The following PRR11 variants were observed in gnomAD, a reference collection of about 807,000 sequenced individuals.
PRR11 encodes proline-rich protein 11.
In PRR11, 30 loss-of-function variants were observed where a neutral mutation model predicts 45.6. That is an observed-to-expected ratio of 0.66 (90% CI 0.49 to 0.89). The LOEUF (loss-of-function observed/expected upper bound fraction) is 0.89, where lower values mean the gene tolerates loss of function less well. PRR11 is among the 40% of genes least tolerant of loss of function. The pLI is 0.00. For missense variants in PRR11, 373 were observed against 424.8 expected (o/e 0.88, Z 1.07); for synonymous variants, 128 against 153.5 (o/e 0.83, Z 1.23).
chr17:59,178,939 A>G (rs1166572366), intron 2 of PRR11, among the ~76,000 whole-genome samples: 1 of 152,200 alleles, frequency 6.6e-6, no homozygotes, highest in Non-Finnish European at 1.5e-5. Context: ...AGCAAGAGAC[A>G]TTAAGTTTCA....
Position 59,185,154 on chromosome 17 carries a change from A to G in PRR11, c.229A>G (p.Thr77Ala). The G allele has an allele frequency of 1.2e-6, 2 of 1,614,112 alleles. No individual in the cohort carries two copies. Among genetic ancestry groups the G allele is most frequent in the Non-Finnish European group, 1.7e-6 (2 of 1,180,000 alleles). ...CATCAGAGATGCAATAAAACTTTGG[A>G]CAAATAGAGTATGGTCTATATACAG... ...PNIRDAIKLW[T>A]NRVWSIYSWC... Residue 77 changes from threonine to alanine, a missense_variant, in exon 3 of 10, where the codon ACA becomes GCA. Thr to Ala is a moderately conservative substitution (Grantham distance 58, BLOSUM62 0). Coordinates refer to ENST00000262293, the MANE Select transcript of PRR11 (RefSeq NM_018304.4).
intron 9 of PRR11, among the ~76,000 whole-genome samples, chr17:59,201,235 A>G (rs1457131720): frequency 6.6e-6 from 1 of 152,174 alleles, no homozygotes; most frequent in Non-Finnish European, 1.5e-5. Flanking sequence ...ACTATAATAC[A>G]GTGGCTTCAC....
At chr17:59,178,366 G>A (rs2046760786) in intron 2 of PRR11, 1 of 432,766 alleles carries the variant, frequency 2.3e-6, no homozygotes, top group South Asian at 1.8e-5. Flanking sequence ...AGCATCTGGT[G>A]GGAAGTGCTG....
intron 2 of PRR11, among the ~76,000 whole-genome samples, chr17:59,172,149 G>C (rs1206452509): frequency 6.6e-6 from 1 of 152,210 alleles, no homozygotes; most frequent in Non-Finnish European, 1.5e-5. Context: ...TTTTTACAAA[G>C]AATTCTGTGC....
chr17:59,184,199 C>T (rs758702814), intron 2 of PRR11, among the ~76,000 whole-genome samples: 80 of 151,488 alleles, frequency 5.3e-4, no homozygotes, highest in Non-Finnish European at 7.7e-4. Flanking sequence ...CAGTGGCTCA[C>T]GCCTGTAATC....
chr17:59,189,774 T>C (rs957242275), intron 4 of PRR11, among the ~76,000 whole-genome samples: 3 of 152,228 alleles, frequency 2.0e-5, no homozygotes, highest in Non-Finnish European at 2.9e-5. Flanking sequence ...CCTATAATTT[T>C]GTAACTTTGT....
chr17:59,161,528 T>C (rs2046652992), intron 1 of PRR11, among the ~76,000 whole-genome samples: 1 of 150,894 alleles, frequency 6.6e-6, no homozygotes, highest in African/African-American at 2.4e-5. Flanking sequence ...GGCCAGTAAA[T>C]TGCTTGAGCT....
At chr17:59,188,281 CAA>C (rs2046823604) in intron 4 of PRR11, among the ~76,000 whole-genome samples, 2 of 152,218 alleles carry the variant, frequency 1.3e-5, no homozygotes, top group East Asian at 1.9e-4. Context: ...ACAAACAAAT[CAA>C]AGACCAAAAG....
chr17:59,178,612 T>C (rs11079369), intron 2 of PRR11: 203,601 of 520,178 alleles, frequency 0.39, 43,667 homozygotes, highest in African/African-American at 0.7. Flanking sequence ...GAGAAGTGTG[T>C]CTCCCAGGGG....
chr17:59,188,980 TATTAA>T (rs2046827808), intron 4 of PRR11, among the ~76,000 whole-genome samples: 1 of 136,760 alleles, frequency 7.3e-6, no homozygotes, highest in Admixed American at 7.3e-5. Flanking sequence ...AATAATACAT[TATTAA>T]ATTAAGTGTA....
intron 9 of PRR11, among the ~76,000 whole-genome samples, chr17:59,198,802 A>C (rs1001257689): frequency 1.3e-5 from 2 of 152,056 alleles, no homozygotes; most frequent in Non-Finnish European, 2.9e-5. Flanking sequence ...GCACCACTGC[A>C]CTCCAGCCTG....
chr17:59,170,532 A>G (rs1055140894), intron 2 of PRR11, among the ~76,000 whole-genome samples: 34 of 151,980 alleles, frequency 2.2e-4, no homozygotes, highest in South Asian at 2.1e-4. Context: ...CTCCAAAACA[A>G]ACAAACAAAA....
At chr17:59,156,351 T>C (rs1238027580) in intron 1 of PRR11, among the ~76,000 whole-genome samples, 1 of 151,896 alleles carries the variant, frequency 6.6e-6, no homozygotes, top group East Asian at 1.9e-4. Flanking sequence ...GGGATGAGAC[T>C]TTAGGGAGCT....
At position 59,195,209 on chromosome 17, in the gene PRR11, G is replaced by A. The variant is rs560812573; in HGVS notation, c.745-122G>A. The A allele has an allele frequency of 5.6e-6, 4 of 711,332 alleles. No individual in the cohort carries two copies. The Admixed American group carries it at 9.3e-5, about 16-fold the overall frequency. The allele number at this position is 711,332 out of a possible 1,614,324, so 44.1% of individuals were successfully genotyped here. On this transcript the variant is annotated intron_variant, in intron 6 of 9. Coordinates refer to ENST00000262293, the MANE Select transcript of PRR11 (RefSeq NM_018304.4). ...CCTTTGAAGCTCTGGAATAAAAATT[G>A]GGTAGCATACTGGATATATCTTACA...
At chr17:59,162,094 A>G (rs186644297) in intron 1 of PRR11, among the ~76,000 whole-genome samples, 2 of 152,276 alleles carry the variant, frequency 1.3e-5, no homozygotes, top group East Asian at 1.9e-4. Context: ...TCTAGGAATT[A>G]TCTCAGACTG....
Position 59,179,670 on chromosome 17 carries a change from C to T in PRR11, c.129-5384C>T, listed in dbSNP as rs115868545. 5,038 of 1,481,576 alleles carry T rather than the reference C, an allele frequency of 3.4e-3. 131 individuals are homozygous for T. The African/African-American group carries it at 0.057, about 17-fold the overall frequency. The allele number at this position is 1,481,576 out of a possible 1,614,324, so 91.8% of individuals were successfully genotyped here. Reference sequence around the variant, plus strand: ...CTACCAAGCAGCCTGTTGAAAGTCTCGTGGTGCTCAGGGAGCACGGGTGAC... The same window carrying T: ...CTACCAAGCAGCCTGTTGAAAGTCTTGTGGTGCTCAGGGAGCACGGGTGAC... On this transcript the variant is annotated intron_variant, in intron 2 of 9. Transcript: ENST00000262293.
chr17:59,180,422 C>T (rs1465562112), intron 2 of PRR11, among the ~76,000 whole-genome samples: 2 of 151,162 alleles, frequency 1.3e-5, no homozygotes, highest in Non-Finnish European at 2.9e-5. Context: ...TGAGCCACTG[C>T]ACCCTGCCTC....
At chr17:59,178,170 C>A (rs1322645387) in intron 2 of PRR11, among the ~76,000 whole-genome samples, 2 of 152,092 alleles carry the variant, frequency 1.3e-5, no homozygotes, top group Non-Finnish European at 2.9e-5. Context: ...CCCATCTCTA[C>A]TAAAAACACA....
chr17:59,202,993 C>G lies in PRR11; in HGVS notation c.*1362C>G, dbSNP rs2046899903. 6.6e-6 allele frequency: 1 copy of G among 152,122 alleles called. No individual in the cohort carries two copies. 9.4% of individuals were successfully genotyped at this position (152,122 alleles called of 1,614,324 possible). A position where few individuals can be genotyped will look rare whatever the true frequency, so the allele number is the denominator to read the frequency against. On this transcript the variant is annotated 3_prime_UTR_variant, in exon 10 of 10. Coordinates refer to ENST00000262293, the MANE Select transcript of PRR11 (RefSeq NM_018304.4). ...AAGCTATGGTGAGCTATGATTGTTCCACTATACTCCAGCATTGGCAACAGA... is the reference window on the plus strand; with the variant it reads ...AAGCTATGGTGAGCTATGATTGTTCGACTATACTCCAGCATTGGCAACAGA...
Sources: allele counts gnomAD v4.1 joint callset (sites outside exome capture counted in the v4.1 genomes callset), GRCh38; gene constraint gnomAD v4.1.1; transcripts MANE v1.5; gene names NCBI Gene and HGNC (gene_info 2026-07-23, HGNC 2026-07-21).